The following RRM1 variants were observed in gnomAD, a reference collection of about 807,000 sequenced individuals.
RRM1 encodes the protein ribonucleotide reductase catalytic subunit M1.
A neutral mutation model predicts 101.5 loss-of-function variants in RRM1; 19 were observed. The observed-to-expected ratio is 0.19, with a 90% CI of 0.13 to 0.27. The LOEUF (loss-of-function observed/expected upper bound fraction) is 0.27, where lower values mean the gene tolerates loss of function less well. Among genes scored for constraint, RRM1 ranks in the 10% least tolerant of loss-of-function variants. The pLI is 1.00. For synonymous variants in RRM1, 298 were observed against 323.4 expected (o/e 0.92, Z 0.84); for missense variants, 500 against 962.9 (o/e 0.52, Z 6.36).
intron 18 of RRM1, chr11:4,137,028 T>G (rs2094611912): frequency 5.6e-6 from 1 of 179,964 alleles, no homozygotes; most frequent in African/African-American, 2.4e-5. Context: ...TGCACCGCCC[T>G]TAATCCATTT....
chr11:4,130,084 ATATTTT>A (rs1446519294), intron 15 of RRM1, among the ~76,000 whole-genome samples: 22 of 98,018 alleles, frequency 2.2e-4, no homozygotes, highest in African/African-American at 8.6e-4. Context: ...ATATATATAT[ATATTTT>A]TTTTTTTTTT....
intron 7 of RRM1, 60 bp from the exon 8 acceptor site, chr11:4,118,260 T>A: frequency 1.4e-6 from 2 of 1,465,484 alleles, no homozygotes; most frequent in Non-Finnish European, 1.9e-6. Flanking sequence ...TGTTGAGTAA[T>A]CATTTTTGTG....
chr11:4,095,858 A>G (rs2094542874), intron 1 of RRM1, among the ~76,000 whole-genome samples: 1 of 152,242 alleles, frequency 6.6e-6, no homozygotes. Context: ...TGGAAAAACA[A>G]GAGCAACATA....
At chr11:4,108,496 G>T (rs983200240) in intron 4 of RRM1, among the ~76,000 whole-genome samples, 6 of 150,344 alleles carry the variant, frequency 4.0e-5, no homozygotes, top group African/African-American at 1.5e-4. Context: ...TACTCAGGAG[G>T]CTGAGGCTAG....
rs869309117 is a variant in RRM1 at position 4,130,087 on chromosome 11, T to TATATATATATATATA, written c.1769+937_1769+938insATATATATATATATA. Among the ~76,000 whole-genome samples, 430 of 61,490 alleles carry TATATATATATATATA rather than the reference T, an allele frequency of 7.0e-3. 2 individuals carry two copies. Among genetic ancestry groups the TATATATATATATATA allele is most frequent in the East Asian group, 0.025 (48 of 1,904 alleles). The allele number at this position is 61,490 out of a possible 152,430, so 40.3% of individuals were successfully genotyped here. ...GTATTTATATATATATATATATATATTTTTTTTTTTTTTTTTTCCCCTCAA... is the reference window on the plus strand; with the variant it reads ...GTATTTATATATATATATATATATATATATATATATATATATTTTTTTTTTTTTTTTTCCCCTCAA... On this transcript the variant is annotated intron_variant, in intron 15 of 18. Coordinates refer to ENST00000300738, the MANE Select transcript of RRM1 (RefSeq NM_001033.5).
At chr11:4,117,954 GCTTA>G (rs1416323235) in intron 7 of RRM1, among the ~76,000 whole-genome samples, 3 of 152,074 alleles carry the variant, frequency 2.0e-5, no homozygotes, top group Admixed American at 6.6e-5. Flanking sequence ...GTTTTTCTTG[GCTTA>G]CTAACAACCT....
chr11:4,130,082 ATATATTTTTT>A (rs1373437747), intron 15 of RRM1, among the ~76,000 whole-genome samples: 4 of 96,856 alleles, frequency 4.1e-5, no homozygotes, highest in African/African-American at 1.1e-4. Flanking sequence ...ATATATATAT[ATATATTTTTT>A]TTTTTTTTTT....
chr11:4,109,301 G>A (rs1315430555), intron 4 of RRM1, among the ~76,000 whole-genome samples: 1 of 151,716 alleles, frequency 6.6e-6, no homozygotes, highest in Middle Eastern at 3.2e-3. Flanking sequence ...TGATAATATA[G>A]TCCCATTTAT....
rs932172160 is a variant in RRM1 at position 4,094,854 on chromosome 11, C to G, written c.-159C>G. ...GAAGGGGATTTGGATTGTTGCGCCTCTGCTCTGAAGAAAGTGCTGTCTGGC... is the reference window on the plus strand; with the variant it reads ...GAAGGGGATTTGGATTGTTGCGCCTGTGCTCTGAAGAAAGTGCTGTCTGGC... On this transcript the variant is annotated 5_prime_UTR_variant, in exon 1 of 19. Coordinates refer to ENST00000300738, the MANE Select transcript of RRM1 (RefSeq NM_001033.5). 4.8e-5 allele frequency: 35 copies of G among 729,322 alleles called. No individual in the cohort carries two copies. Among genetic ancestry groups the G allele is most frequent in the African/African-American group, 4.7e-4 (27 of 57,326 alleles). The allele number at this position is 729,322 out of a possible 1,614,324, so 45.2% of individuals were successfully genotyped here.
intron 11 of RRM1, among the ~76,000 whole-genome samples, chr11:4,122,896 T>G (rs992135954): frequency 1.4e-4 from 21 of 151,792 alleles, no homozygotes; most frequent in Non-Finnish European, 2.8e-4. Flanking sequence ...GGAAAAAAAT[T>G]TAGCACAGTC....
At chr11:4,111,502 C>T (rs560861499) in intron 5 of RRM1, 99 bp from the exon 6 acceptor site, 10 of 646,276 alleles carry the variant, frequency 1.5e-5, no homozygotes, top group East Asian at 1.5e-4. Context: ...TTTATAGAAA[C>T]GGCGAAGATT....
chr11:4,133,034 A>G (rs549584140), intron 16 of RRM1, among the ~76,000 whole-genome samples: 1 of 152,200 alleles, frequency 6.6e-6, no homozygotes, highest in South Asian at 2.1e-4. Flanking sequence ...CAAACGCCAT[A>G]TGTTTCTTTT....
intron 4 of RRM1, among the ~76,000 whole-genome samples, chr11:4,108,613 A>AAAAAAAAAAAAAAAAAAAAAAT (rs2094561454): frequency 6.6e-6 from 1 of 151,262 alleles, no homozygotes; most frequent in Non-Finnish European, 1.5e-5. Flanking sequence ...AAAAAAAAAA[A>AAAAAAAAAAAAAAAAAAAAAAT]AAAAAGAATG....
intron 12 of RRM1, among the ~76,000 whole-genome samples, chr11:4,126,483 A>G (rs981467611): frequency 1.3e-5 from 2 of 152,234 alleles, no homozygotes; most frequent in Non-Finnish European, 2.9e-5. Flanking sequence ...TGCATGTTAT[A>G]ACTAACACAT....
At chr11:4,110,638 G>A (rs1451483922) in intron 5 of RRM1, among the ~76,000 whole-genome samples, 1 of 151,698 alleles carries the variant, frequency 6.6e-6, no homozygotes, top group Non-Finnish European at 1.5e-5. Context: ...GCATGGTGGT[G>A]CATGCCTGTA....
In RRM1 at chr11:4,138,351, A is replaced by G. The variant is rs2094617886; in HGVS notation, c.2347A>G (p.Asn783Asp). 6.2e-7 allele frequency: 1 copy of G among 1,609,434 alleles called. No individual in the cohort carries two copies. Among genetic ancestry groups the G allele is most frequent in the South Asian group, 1.1e-5 (1 of 90,070 alleles). The part of the protein sequence containing the change: ...NTAAMVCSLE[N>D]RDECLMCGS ...AGCAGCCATGGTGTGCTCTTTGGAG[A>G]ATAGAGATGAATGTCTGATGTGTGG... The change falls in exon 19 of 19, where the codon AAT becomes GAT. Residue 783 changes from asparagine (N) to aspartate (D), a missense_variant. This residue lies in a region of RRM1 where 33 missense variants were observed against 40.7 expected (regional missense o/e 0.81). Transcript: ENST00000300738.
intron 16 of RRM1, 71 bp from the exon 17 acceptor site, chr11:4,133,492 T>G (rs958361688): frequency 2.2e-6 from 2 of 920,892 alleles, no homozygotes; most frequent in African/African-American, 3.3e-5. Flanking sequence ...AGTTTAAGCT[T>G]CAAAGCTGTA....
At chr11:4,111,528 A>G in intron 5 of RRM1, 73 bp from the exon 6 acceptor site, 1 of 944,008 alleles carries the variant, frequency 1.1e-6, no homozygotes. Flanking sequence ...AGATTGCCTT[A>G]TTGTGGATGA....
At chr11:4,109,567 G>A (rs2094562692) in intron 4 of RRM1, 77 bp from the exon 5 acceptor site, 4 of 1,166,940 alleles carry the variant, frequency 3.4e-6, no homozygotes, top group Non-Finnish European at 3.7e-6. Context: ...TCTGGAGTCA[G>A]GGCCGAGAGA....
Sources: allele counts gnomAD v4.1 joint callset (sites outside exome capture counted in the v4.1 genomes callset), GRCh38; gene constraint gnomAD v4.1.1; regional missense constraint gnomAD v4.1.1; transcripts MANE v1.5; gene names NCBI Gene and HGNC (gene_info 2026-07-23, HGNC 2026-07-21).